Variants in SGCD observed in about 807,000 individuals in gnomAD.
The protein encoded by SGCD is delta-sarcoglycan.
SGCD carries 18 observed loss-of-function variants against 36.6 expected under a neutral mutation model. That is an observed-to-expected ratio of 0.49 (90% CI 0.34 to 0.73). SGCD has a LOEUF of 0.73. SGCD is among the 30% of genes least tolerant of loss of function. The pLI is 0.01. For missense variants in SGCD, 387 were observed against 346.7 expected (o/e 1.12, Z -0.92); for synonymous variants, 133 against 130.6 (o/e 1.02, Z -0.12).
At chr5:156,573,362 T>C (rs942953241) in intron 4 of SGCD, among the ~76,000 whole-genome samples, 9 of 152,296 alleles carry the variant, frequency 5.9e-5, no homozygotes, top group Middle Eastern at 3.4e-3. Flanking sequence ...GGTCATGAAA[T>C]ATTTTGTTTG....
intron 3 of SGCD, among the ~76,000 whole-genome samples, chr5:156,165,131 G>A (rs912947648): frequency 2.6e-5 from 4 of 152,150 alleles, no homozygotes; most frequent in African/African-American, 4.8e-5. Flanking sequence ...TAATGATAGC[G>A]AGGGCTGCAG....
the SGCD span, among the ~76,000 whole-genome samples, chr5:155,804,411 G>T: frequency 6.6e-6 from 1 of 152,210 alleles, no homozygotes; most frequent in Non-Finnish European, 1.5e-5. Context: ...TAGACACTAT[G>T]CTCTGAGACT....
chr5:156,261,310 G>A (rs866807079), intron 3 of SGCD, among the ~76,000 whole-genome samples: 9 of 152,268 alleles, frequency 5.9e-5, no homozygotes, highest in South Asian at 2.1e-4. Flanking sequence ...TTATTTTGGT[G>A]TATGTTTTCC....
chr5:156,239,898 T>C (rs902258593), intron 3 of SGCD, among the ~76,000 whole-genome samples: 1 of 152,180 alleles, frequency 6.6e-6, no homozygotes, highest in African/African-American at 2.4e-5. Flanking sequence ...ACTCCTTTAT[T>C]TGTGCTTTTA....
intron 7 of SGCD, among the ~76,000 whole-genome samples, chr5:156,719,779 T>C (rs945420160): frequency 2.0e-5 from 3 of 152,036 alleles, no homozygotes; most frequent in African/African-American, 7.2e-5. Context: ...AAGATGACCC[T>C]TTAGCCTAGG....
At chr5:156,548,072 T>C (rs1455745230) in intron 4 of SGCD, among the ~76,000 whole-genome samples, 1 of 152,220 alleles carries the variant, frequency 6.6e-6, no homozygotes, top group Non-Finnish European at 1.5e-5. Context: ...TGTTTCTAAC[T>C]GCTTCTTTAT....
At chr5:156,095,684 A>G (rs1300487619) in intron 1 of SGCD, among the ~76,000 whole-genome samples, 2 of 152,156 alleles carry the variant, frequency 1.3e-5, no homozygotes, top group Admixed American at 6.5e-5. Context: ...GAAGAAAGAA[A>G]GAAGAAAGAA....
chr5:156,123,403 A>G (rs1472793554), intron 2 of SGCD, among the ~76,000 whole-genome samples: 1 of 152,056 alleles, frequency 6.6e-6, no homozygotes, highest in African/African-American at 2.4e-5. Flanking sequence ...TAAGATTGGT[A>G]CCTTAGAAGT....
intron 1 of SGCD, among the ~76,000 whole-genome samples, chr5:155,961,915 A>T (rs2113450776): frequency 6.6e-6 from 1 of 152,264 alleles, no homozygotes; most frequent in South Asian, 2.1e-4. Flanking sequence ...TGAAAAATTC[A>T]TGCAGGTTGA....
At position 156,400,751 on chromosome 5, in the gene SGCD, G is replaced by A. The variant is rs570757866; in HGVS notation, c.192+56074G>A. Among the ~76,000 whole-genome samples the A allele has an allele frequency of 1.5e-4, 23 of 152,206 alleles. 1 individual carries two copies. The South Asian group carries it at 3.9e-3, about 26-fold the overall frequency. On this transcript the variant is annotated intron_variant, in intron 3 of 8. Coordinates refer to ENST00000337851, the MANE Select transcript of SGCD (RefSeq NM_000337.6). Reference sequence around the variant, plus strand: ...GACAACATGCAGCTTTTTACTTCTTGGACTCTCCTATGATTTGAAATGTGT... The same window carrying A: ...GACAACATGCAGCTTTTTACTTCTTAGACTCTCCTATGATTTGAAATGTGT...
At position 155,904,308 on chromosome 5, in the gene SGCD, G is replaced by A. The variant is rs74913103; in HGVS notation, c.-282+33884G>A. On this transcript the variant is annotated intron_variant, in intron 1 of 9. Coordinates refer to the SGCD transcript ENST00000517913. ...TTGATAGAACTTACCACTGCAATGC[G>A]TAATAGGCTTCTTTGCAGAGCTTCA... Among the ~76,000 whole-genome samples the A allele has an allele frequency of 2.2e-3, 332 of 152,230 alleles. 4 individuals carry two copies. The East Asian group carries it at 0.04, about 18-fold the overall frequency.
At chr5:156,594,833 T>C (rs935571382) in intron 5 of SGCD, 99 bp from the exon 6 acceptor site, 5 of 784,094 alleles carry the variant, frequency 6.4e-6, no homozygotes, top group Admixed American at 2.3e-5. Flanking sequence ...GTGTGTTCTA[T>C]GAAAAGCTTT....
intron 6 of SGCD, among the ~76,000 whole-genome samples, chr5:156,630,017 A>G (rs1274361976): frequency 1.3e-5 from 2 of 151,986 alleles, no homozygotes; most frequent in Non-Finnish European, 2.9e-5. Flanking sequence ...ATGTGCCACC[A>G]TGCCCAGCTA....
chr5:156,676,453 C>T (rs116052603), intron 7 of SGCD, among the ~76,000 whole-genome samples: 7,392 of 152,284 alleles, frequency 0.049, 248 homozygotes, highest in Non-Finnish European at 0.076. Context: ...GTCACTTGAA[C>T]AGACACTGCG....
chr5:155,836,167 G>A, the SGCD span, among the ~76,000 whole-genome samples: 1 of 152,150 alleles, frequency 6.6e-6, no homozygotes, highest in Non-Finnish European at 1.5e-5. Flanking sequence ...TTTAAGGAGT[G>A]TCATGGTTTC....
intron 3 of SGCD, among the ~76,000 whole-genome samples, chr5:156,157,910 T>C (rs1297009135): frequency 1.3e-5 from 2 of 151,754 alleles, no homozygotes; most frequent in Non-Finnish European, 2.9e-5. Context: ...TATATCCACA[T>C]TTTGAAATGA....
the SGCD span, among the ~76,000 whole-genome samples, chr5:155,728,078 A>G: frequency 6.6e-6 from 1 of 151,852 alleles, no homozygotes; most frequent in African/African-American, 2.4e-5. Context: ...AGCCTTGCAC[A>G]CCAGTCTTCC....
At chr5:156,386,813 C>G (rs1771300231) in intron 3 of SGCD, among the ~76,000 whole-genome samples, 1 of 152,176 alleles carries the variant, frequency 6.6e-6, no homozygotes, top group African/African-American at 2.4e-5. Context: ...TGAAATCAGC[C>G]CAAACCATCT....
chr5:156,328,215 T>C (rs1268455483), intron 1 of SGCD, among the ~76,000 whole-genome samples: 1 of 152,270 alleles, frequency 6.6e-6, no homozygotes, highest in Non-Finnish European at 1.5e-5. Context: ...TTGTTTTATG[T>C]ACAGCATTTA....
Sources: allele counts gnomAD v4.1 joint callset (sites outside exome capture counted in the v4.1 genomes callset), GRCh38; gene constraint gnomAD v4.1.1; transcripts MANE v1.5; gene names NCBI Gene and HGNC (gene_info 2026-07-23, HGNC 2026-07-21).